RAB39A: variants seen among roughly 807,000 people sequenced by gnomAD.
The protein encoded by RAB39A is ras-related protein Rab-39A.
In RAB39A, 17 loss-of-function variants were observed where a neutral mutation model predicts 20.9. The ratio of observed to expected loss-of-function variants is 0.81; its 90% CI spans 0.56 to 1.22. RAB39A has a LOEUF of 1.22. Ranked by LOEUF, RAB39A falls within the 50% of genes most tolerant of loss-of-function variation. RAB39A has a pLI of 0.00. For synonymous variants in RAB39A, 99 were observed against 103.4 expected, an observed-to-expected ratio of 0.96 and a Z score of 0.26; for missense variants, 234 against 270.5, an observed-to-expected ratio of 0.87 and a Z score of 0.95.
intron 1 of RAB39A, among the ~76,000 whole-genome samples, chr11:107,957,109 G>A (rs758888723): frequency 1.5e-4 from 23 of 152,154 alleles, no homozygotes; most frequent in Admixed American, 2.6e-4. Context: ...AAGAAAGGAA[G>A]AATAGAGAGA....
rs192930596 is a variant in RAB39A, at chr11:107,958,503, G to T, written c.228-3443G>T. On this transcript the variant is annotated intron_variant, in intron 1 of 1. Transcript: ENST00000320578. Reference sequence around the variant, plus strand: ...GCTCTGCTTCTTCCCCCAGATGATTGATAGCAACAGTGCCCAATTGTTTTA... The same window carrying T: ...GCTCTGCTTCTTCCCCCAGATGATTTATAGCAACAGTGCCCAATTGTTTTA... 4.6e-3 allele frequency among the ~76,000 whole-genome samples: 695 copies of T among 152,260 alleles called. 4 individuals are homozygous for T. The highest frequency in any genetic ancestry group is 0.016 in the African/African-American group (658 of 41,558).
intron 1 of RAB39A, among the ~76,000 whole-genome samples, chr11:107,938,104 T>C (rs1437407226): frequency 6.6e-6 from 1 of 152,022 alleles, no homozygotes; most frequent in Non-Finnish European, 1.5e-5. Context: ...GGCTCACGCC[T>C]GTAATCCCAG....
rs189992540 is a variant in RAB39A at position 107,934,552 on chromosome 11, G to A, written c.227+5757G>A. 3.5e-4 allele frequency among the ~76,000 whole-genome samples: 54 copies of A among 152,292 alleles called. 1 individual carries two copies. Among genetic ancestry groups the A allele is most frequent in the African/African-American group, 1.1e-3 (45 of 41,560 alleles). ...TGAGCAGAACCACTAAATACTTGAGGTTTGTAGCAATGGAAGACCTGCAGA... is the reference window on the plus strand; with the variant it reads ...TGAGCAGAACCACTAAATACTTGAGATTTGTAGCAATGGAAGACCTGCAGA... On this transcript the variant is annotated intron_variant, in intron 1 of 1. Transcript: ENST00000320578.
intron 1 of RAB39A, among the ~76,000 whole-genome samples, chr11:107,946,612 A>G (rs190223676): frequency 0.016 from 2,459 of 149,230 alleles, 28 homozygotes; most frequent in Non-Finnish European, 0.028. Context: ...AGCTGGGACT[A>G]CAGGCGCCCG....
At chr11:107,961,086 C>A (rs997797047) in intron 1 of RAB39A, among the ~76,000 whole-genome samples, 1 of 152,210 alleles carries the variant, frequency 6.6e-6, no homozygotes, top group African/African-American at 2.4e-5. Context: ...AGGTGCAACA[C>A]AAGACTGTAC....
At chr11:107,940,202 A>C (rs1861245009) in intron 1 of RAB39A, among the ~76,000 whole-genome samples, 1 of 152,146 alleles carries the variant, frequency 6.6e-6, no homozygotes. Flanking sequence ...ACTGAGGTAC[A>C]CACACAGACA....
intron 1 of RAB39A, among the ~76,000 whole-genome samples, chr11:107,953,216 TC>T (rs562589467): frequency 9.2e-4 from 140 of 152,340 alleles, no homozygotes; most frequent in African/African-American, 3.1e-3. Context: ...TGAACTTTAG[TC>T]TTGTAAAGCT....
At chr11:107,946,396 A>ATGTGTGTGTGTG (rs71047654) in intron 1 of RAB39A, among the ~76,000 whole-genome samples, 50 of 37,630 alleles carry the variant, frequency 1.3e-3, no homozygotes, top group East Asian at 9.0e-3. Flanking sequence ...GGGTGTATAT[A>ATGTGTGTGTGTG]TGTGTGTGTG....
chr11:107,947,507 G>T (rs988828132), intron 1 of RAB39A, among the ~76,000 whole-genome samples: 1 of 152,102 alleles, frequency 6.6e-6, no homozygotes, highest in Non-Finnish European at 1.5e-5. Context: ...ACAGAGGAGA[G>T]AAATAATTAG....
chr11:107,942,414 A>G (rs1286644153), intron 1 of RAB39A, among the ~76,000 whole-genome samples: 1 of 152,096 alleles, frequency 6.6e-6, no homozygotes, highest in East Asian at 1.9e-4. Flanking sequence ...TTGTTTTTTG[A>G]GATGGGGTCT....
At position 107,929,007 on chromosome 11, in the gene RAB39A, C is replaced by A. The variant is rs145781986; in HGVS notation, c.227+212C>A. ...ATTTCTCACTTCTTTCTTTGGCGCC[C>A]ATTTCCTGCGCCCCCTTTCCATCTT... On this transcript the variant is annotated intron_variant, in intron 1 of 1. Coordinates refer to ENST00000320578, the MANE Select transcript of RAB39A (RefSeq NM_017516.3). Among the ~76,000 whole-genome samples the A allele has an allele frequency of 2.0e-5, 3 of 152,130 alleles. No individual in the cohort carries two copies. In the East Asian group the frequency reaches 5.8e-4, roughly 29 times the overall value.
chr11:107,951,615 ATTTTTTTT>A (rs4028253), intron 1 of RAB39A, among the ~76,000 whole-genome samples: 5 of 105,702 alleles, frequency 4.7e-5, no homozygotes, highest in Non-Finnish European at 8.9e-5. Context: ...CCATTTTCAG[ATTTTTTTT>A]TTTTTTTTTT....
intron 1 of RAB39A, among the ~76,000 whole-genome samples, chr11:107,943,565 C>T (rs528198571): frequency 1.6e-3 from 223 of 142,196 alleles, no homozygotes; most frequent in African/African-American, 5.4e-3. Flanking sequence ...AGTGAGACTC[C>T]GTCTCAAAAA....
intron 1 of RAB39A, among the ~76,000 whole-genome samples, chr11:107,938,397 T>G (rs1861221631): frequency 6.9e-6 from 1 of 145,888 alleles, no homozygotes; most frequent in Non-Finnish European, 1.5e-5. Flanking sequence ...GACAGCATCG[T>G]TTCTAACAAG....
chr11:107,955,494 G>A (rs189282892), intron 1 of RAB39A, among the ~76,000 whole-genome samples: 58 of 152,286 alleles, frequency 3.8e-4, no homozygotes, highest in Admixed American at 2.0e-3. Flanking sequence ...ATCAAAGCTA[G>A]CAAGCTTTTG....
intron 1 of RAB39A, among the ~76,000 whole-genome samples, chr11:107,932,743 G>A (rs1266591577): frequency 2.0e-5 from 3 of 152,026 alleles, no homozygotes; most frequent in South Asian, 4.2e-4. Context: ...AGACAATCTC[G>A]CTCTCTCATC....
chr11:107,959,485 A>T (rs551855610), intron 1 of RAB39A, among the ~76,000 whole-genome samples: 1 of 152,168 alleles, frequency 6.6e-6, no homozygotes, highest in South Asian at 2.1e-4. Flanking sequence ...GATTTTTCTT[A>T]TTGTCAATTT....
At chr11:107,945,993 G>C (rs1176952675) in intron 1 of RAB39A, among the ~76,000 whole-genome samples, 1 of 151,990 alleles carries the variant, frequency 6.6e-6, no homozygotes, top group Non-Finnish European at 1.5e-5. Flanking sequence ...TGGTAAAATT[G>C]TTTCTGGGGA....
intron 1 of RAB39A, among the ~76,000 whole-genome samples, chr11:107,940,950 C>T (rs755068318): frequency 2.0e-5 from 3 of 151,562 alleles, no homozygotes; most frequent in Non-Finnish European, 4.4e-5. Flanking sequence ...TCCAGCCAAG[C>T]GACAGAGCAA....
Sources: gnomAD v4.1 joint callset for allele counts (sites outside exome capture counted in the v4.1 genomes callset) on GRCh38, gnomAD v4.1.1 for gene constraint, MANE v1.5 for transcripts, NCBI Gene and HGNC (gene_info 2026-07-23, HGNC 2026-07-21) for gene names.